Variants in SH3GL2 observed in about 807,000 individuals in gnomAD.
SH3GL2 encodes endophilin-A1.
Under a neutral mutation model 46.0 loss-of-function variants are expected in SH3GL2, and 24 were observed. The ratio of observed to expected loss-of-function variants is 0.52; its 90% CI spans 0.38 to 0.73. SH3GL2 has a LOEUF of 0.73. Ranked by LOEUF, SH3GL2 falls within the 30% of genes least tolerant of loss-of-function variation. SH3GL2 has a pLI of 0.00. For missense variants in SH3GL2, 413 were observed against 424.2 expected (o/e 0.97, Z 0.23); for synonymous variants, 196 against 147.1 (o/e 1.33, Z -2.40).
chr9:17,688,853 G>A (rs1820994991), intron 1 of SH3GL2, among the ~76,000 whole-genome samples: 2 of 151,962 alleles, frequency 1.3e-5, no homozygotes, highest in East Asian at 3.9e-4. Context: ...AATAAATGGG[G>A]GAGAAGACAC....
chr9:17,579,678 C>T (rs112052839), intron 1 of SH3GL2, among the ~76,000 whole-genome samples: 1 of 152,156 alleles, frequency 6.6e-6, no homozygotes, highest in Admixed American at 6.5e-5. Flanking sequence ...CTTGCGGAGT[C>T]GGTGCACCCG....
intron 7 of SH3GL2, 43 bp downstream of exon 7, chr9:17,791,377 T>A: frequency 7.3e-6 from 9 of 1,236,332 alleles, no homozygotes; most frequent in Non-Finnish European, 1.1e-5. Flanking sequence ...ATTTTATTGC[T>A]ATAAAATGAT....
chr9:17,724,630 G>A (rs1254046132), intron 1 of SH3GL2, among the ~76,000 whole-genome samples: 2 of 152,046 alleles, frequency 1.3e-5, no homozygotes, highest in Non-Finnish European at 2.9e-5. Context: ...ATAATTCCTT[G>A]TTGAAACCTG....
chr9:17,631,648 G>A (rs1290946793), intron 1 of SH3GL2, among the ~76,000 whole-genome samples: 1 of 152,088 alleles, frequency 6.6e-6, no homozygotes, highest in African/African-American at 2.4e-5. Flanking sequence ...TAAATGTTTT[G>A]AATACCACCC....
chr9:17,747,364 G>A (rs1310560211), intron 2 of SH3GL2, among the ~76,000 whole-genome samples: 4 of 152,266 alleles, frequency 2.6e-5, no homozygotes, highest in East Asian at 1.9e-4. Flanking sequence ...GAAAGGTCAC[G>A]ATGAACTTTT....
At chr9:17,778,321 C>T (rs959869967) in intron 3 of SH3GL2, among the ~76,000 whole-genome samples, 1 of 152,142 alleles carries the variant, frequency 6.6e-6, no homozygotes, top group Non-Finnish European at 1.5e-5. Flanking sequence ...AGCCCCTGCC[C>T]TCATGGAGCC....
At chr9:17,707,345 A>C (rs147408698) in intron 1 of SH3GL2, among the ~76,000 whole-genome samples, 2 of 152,006 alleles carry the variant, frequency 1.3e-5, no homozygotes, top group African/African-American at 2.4e-5. Flanking sequence ...ACACGGTTGT[A>C]ATCTCACTAG....
At chr9:17,793,520 C>G (rs1824193625) in intron 8 of SH3GL2, 23 bp downstream of exon 8, 1 of 1,610,892 alleles carries the variant, frequency 6.2e-7, no homozygotes, top group Non-Finnish European at 8.5e-7. Flanking sequence ...ACTGCAGATC[C>G]TATTGCATAG....
intron 1 of SH3GL2, among the ~76,000 whole-genome samples, chr9:17,683,068 AG>A (rs1198834965): frequency 6.6e-6 from 1 of 152,116 alleles, no homozygotes; most frequent in Non-Finnish European, 1.5e-5. Flanking sequence ...TCTAAGGAAA[AG>A]GTATGAGTTT....
At chr9:17,649,951 T>C (rs544068159) in intron 1 of SH3GL2, among the ~76,000 whole-genome samples, 1 of 152,312 alleles carries the variant, frequency 6.6e-6, no homozygotes, top group Admixed American at 6.5e-5. Flanking sequence ...AAAAAAAGTA[T>C]AGAATGGCTC....
chr9:17,747,639 A>G (rs967282014), intron 2 of SH3GL2, among the ~76,000 whole-genome samples: 4 of 152,100 alleles, frequency 2.6e-5, no homozygotes, highest in African/African-American at 4.8e-5. Flanking sequence ...AAGTCCATCT[A>G]TTGATCAGAG....
chr9:17,744,480 C>G (rs1588294869), intron 1 of SH3GL2, among the ~76,000 whole-genome samples: 1 of 152,168 alleles, frequency 6.6e-6, no homozygotes, highest in South Asian at 2.1e-4. Context: ...ATTCTTTCAC[C>G]TCAGCCTCCA....
At chr9:17,666,947 G>A (rs763447788) in intron 1 of SH3GL2, among the ~76,000 whole-genome samples, 2 of 151,988 alleles carry the variant, frequency 1.3e-5, no homozygotes, top group Non-Finnish European at 1.5e-5. Context: ...AATTTTTGCT[G>A]ATCTGAAACA....
chr9:17,738,997 A>G (rs948514428), intron 1 of SH3GL2, among the ~76,000 whole-genome samples: 6 of 152,140 alleles, frequency 3.9e-5, no homozygotes, highest in Admixed American at 3.9e-4. Context: ...AAGTTGATGC[A>G]TGCAACTCAC....
chr9:17,698,325 C>CT (rs1353068802), intron 1 of SH3GL2, among the ~76,000 whole-genome samples: 3 of 152,266 alleles, frequency 2.0e-5, no homozygotes, highest in African/African-American at 7.2e-5. Flanking sequence ...GTGATTAGTG[C>CT]TTTTAATATC....
At position 17,755,046 on chromosome 9, in the gene SH3GL2, G is replaced by A. The variant is rs528689869; in HGVS notation, c.115-6391G>A. On this transcript the variant is annotated intron_variant, in intron 2 of 8. Coordinates refer to ENST00000380607, the MANE Select transcript of SH3GL2 (RefSeq NM_003026.5). ...TGTTAAATAGGAGGGGTGAGAGAGG[G>A]CATCCTTGTCTTGTGCCGGTTTTCA... Among the ~76,000 whole-genome samples the A allele has an allele frequency of 7.9e-5, 12 of 152,228 alleles. 1 individual carries two copies. Among genetic ancestry groups the A allele is most frequent in the African/African-American group, 2.6e-4 (11 of 41,524 alleles).
chr9:17,724,242 T>A (rs1821966935), intron 1 of SH3GL2, among the ~76,000 whole-genome samples: 1 of 152,146 alleles, frequency 6.6e-6, no homozygotes, highest in Non-Finnish European at 1.5e-5. Flanking sequence ...GATTCATTCT[T>A]TTGCCCATGC....
At chr9:17,693,201 G>A (rs1263004986) in intron 1 of SH3GL2, among the ~76,000 whole-genome samples, 1 of 152,182 alleles carries the variant, frequency 6.6e-6, no homozygotes, top group East Asian at 1.9e-4. Flanking sequence ...TTTACTGAGT[G>A]TCTGTTTTTG....
In SH3GL2 at chr9:17,593,844, A is replaced by T. The variant is rs529349721; in HGVS notation, c.45+14557A>T. On this transcript the variant is annotated intron_variant, in intron 1 of 8. Coordinates refer to ENST00000380607, the MANE Select transcript of SH3GL2 (RefSeq NM_003026.5). ...TCAGGCTGTGTGGCACAAGATCAGT[A>T]GGAGCCCAGAGACTTCACATCTCCT... 5.9e-5 allele frequency among the ~76,000 whole-genome samples: 9 copies of T among 152,300 alleles called. No homozygotes were observed. In the South Asian group the frequency reaches 1.7e-3, roughly 28 times the overall value.
Sources: gnomAD v4.1 joint callset for allele counts (sites outside exome capture counted in the v4.1 genomes callset) on GRCh38, gnomAD v4.1.1 for gene constraint, MANE v1.5 for transcripts, NCBI Gene and HGNC (gene_info 2026-07-23, HGNC 2026-07-21) for gene names.